DDX10: variants seen among roughly 807,000 people sequenced by gnomAD.
DDX10 encodes the protein probable ATP-dependent RNA helicase DDX10.
In DDX10, 74 loss-of-function variants were observed where a neutral mutation model predicts 104.3. The ratio of observed to expected loss-of-function variants is 0.71; its 90% CI spans 0.59 to 0.86. The LOEUF is 0.86. Among genes scored for constraint, DDX10 ranks in the 40% least tolerant of loss-of-function variants. DDX10 has a pLI of 0.00. For missense variants in DDX10, 952 were observed against 1,040.0 expected (o/e 0.92, Z 1.16); for synonymous variants, 351 against 353.4 (o/e 0.99, Z 0.08).
At chr11:108,800,393 C>T (rs539707637) in intron 13 of DDX10, among the ~76,000 whole-genome samples, 6 of 140,118 alleles carry the variant, frequency 4.3e-5, no homozygotes, top group East Asian at 2.1e-4. Flanking sequence ...TGCAGTGAGC[C>T]GAGATCGCGC....
chr11:108,757,145 A>C (rs1193188839), intron 13 of DDX10, among the ~76,000 whole-genome samples: 3 of 151,898 alleles, frequency 2.0e-5, no homozygotes, highest in African/African-American at 7.2e-5. Flanking sequence ...CCCACAAATA[A>C]TTCCTCAAAC....
At chr11:108,770,297 T>G (rs2094361322) in intron 13 of DDX10, among the ~76,000 whole-genome samples, 1 of 152,166 alleles carries the variant, frequency 6.6e-6, no homozygotes, top group Non-Finnish European at 1.5e-5. Flanking sequence ...TTACAGACAA[T>G]TTGATTATGT....
chr11:108,783,602 A>C (rs1392056720), intron 13 of DDX10, among the ~76,000 whole-genome samples: 1 of 152,204 alleles, frequency 6.6e-6, no homozygotes, highest in African/African-American at 2.4e-5. Context: ...AGGATGTGGG[A>C]GGGGTTAAAT....
intron 9 of DDX10, among the ~76,000 whole-genome samples, chr11:108,701,493 T>C (rs190031790): frequency 6.6e-6 from 1 of 152,132 alleles, no homozygotes; most frequent in Non-Finnish European, 1.5e-5. Context: ...GTAGTCAGAG[T>C]TGTAGAGTTT....
At chr11:108,819,601 T>G (rs183490957) in intron 13 of DDX10, among the ~76,000 whole-genome samples, 11 of 152,178 alleles carry the variant, frequency 7.2e-5, no homozygotes, top group African/African-American at 2.6e-4. Flanking sequence ...GCCTATTTCT[T>G]TTTTTCTTTT....
At chr11:108,837,956 T>C (rs927445250) in intron 13 of DDX10, among the ~76,000 whole-genome samples, 1 of 152,130 alleles carries the variant, frequency 6.6e-6, no homozygotes, top group Non-Finnish European at 1.5e-5. Flanking sequence ...GATATTTTAC[T>C]GTGTTCCTAT....
intron 4 of DDX10, 139 bp downstream of exon 4, chr11:108,677,382 G>A (rs997498872): frequency 5.7e-6 from 4 of 703,384 alleles, no homozygotes; most frequent in Non-Finnish European, 8.8e-6. Context: ...AGCACTTGGT[G>A]TGGTCGCTGC....
chr11:108,925,376 G>C (rs1443263913), intron 17 of DDX10, among the ~76,000 whole-genome samples: 1 of 152,128 alleles, frequency 6.6e-6, no homozygotes, highest in Non-Finnish European at 1.5e-5. Flanking sequence ...GGACAGTTGT[G>C]AGCCTGTCAT....
At chr11:108,911,556 C>CTTTT (rs869132450) in intron 16 of DDX10, among the ~76,000 whole-genome samples, 7 of 63,690 alleles carry the variant, frequency 1.1e-4, no homozygotes, top group African/African-American at 4.7e-4. Context: ...GCCTCCTCTT[C>CTTTT]TTTTTTTTTT....
At chr11:108,783,804 C>T (rs542395597) in intron 13 of DDX10, among the ~76,000 whole-genome samples, 11 of 152,230 alleles carry the variant, frequency 7.2e-5, no homozygotes, top group South Asian at 2.1e-4. Flanking sequence ...AATAAGTGCA[C>T]GCCCCTTTTC....
chr11:108,905,593 T>G (rs1863585767), intron 16 of DDX10, among the ~76,000 whole-genome samples: 1 of 152,196 alleles, frequency 6.6e-6, no homozygotes, highest in African/African-American at 2.4e-5. Flanking sequence ...TCTTGCTGCC[T>G]CCTCCTGATC....
chr11:108,819,607 C>CT (rs1054453752), intron 13 of DDX10, among the ~76,000 whole-genome samples: 26 of 150,772 alleles, frequency 1.7e-4, no homozygotes, highest in South Asian at 4.2e-4. Flanking sequence ...TTCTTTTTTT[C>CT]TTTTTTTTTG....
At chr11:108,758,937 T>C (rs1442041427) in intron 13 of DDX10, among the ~76,000 whole-genome samples, 2 of 151,270 alleles carry the variant, frequency 1.3e-5, no homozygotes, top group African/African-American at 2.4e-5. Flanking sequence ...TAAAGCTCCA[T>C]TCAGTTGCTC....
At chr11:108,804,979 A>G (rs774039589) in intron 13 of DDX10, among the ~76,000 whole-genome samples, 3 of 152,196 alleles carry the variant, frequency 2.0e-5, no homozygotes, top group African/African-American at 7.2e-5. Context: ...ATTAGAAAAT[A>G]GTTATAAGTG....
chr11:108,863,484 G>T (rs1862966949), intron 16 of DDX10, among the ~76,000 whole-genome samples: 1 of 152,034 alleles, frequency 6.6e-6, no homozygotes, highest in African/African-American at 2.4e-5. Context: ...AGATACATTT[G>T]ATTTTTATTT....
At chr11:108,697,998 G>T (rs2094262275) in intron 9 of DDX10, among the ~76,000 whole-genome samples, 1 of 152,134 alleles carries the variant, frequency 6.6e-6, no homozygotes, top group Non-Finnish European at 1.5e-5. Context: ...TTATGTGCCT[G>T]GCTACATTTT....
At position 108,783,805 on chromosome 11, in the gene DDX10, G is replaced by A. The variant is rs560787058; in HGVS notation, c.1966-54641G>A. Among the ~76,000 whole-genome samples the A allele has an allele frequency of 4.4e-4, 67 of 152,180 alleles. 1 individual carries two copies. The highest frequency in any genetic ancestry group is 2.0e-3 in the Admixed American group (30 of 15,276). Reference sequence around the variant, plus strand: ...TGAGCATAGTACCCAATAAGTGCACGCCCCTTTTCCTCTCTCCCGCATTTA... The same window carrying A: ...TGAGCATAGTACCCAATAAGTGCACACCCCTTTTCCTCTCTCCCGCATTTA... On this transcript the variant is annotated intron_variant, in intron 13 of 17. Coordinates refer to ENST00000322536, the MANE Select transcript of DDX10 (RefSeq NM_004398.4).
chr11:108,855,502 G>A (rs187445616), intron 16 of DDX10, among the ~76,000 whole-genome samples: 8 of 152,090 alleles, frequency 5.3e-5, no homozygotes, highest in Admixed American at 2.6e-4. Context: ...CTCTGTCACC[G>A]AGGCTGGAGT....
chr11:108,689,989 G>T (rs2094249872), intron 7 of DDX10, among the ~76,000 whole-genome samples: 1 of 152,070 alleles, frequency 6.6e-6, no homozygotes, highest in Non-Finnish European at 1.5e-5. Context: ...GCTGAGGTAG[G>T]AGGATTGCTT....
Sources: allele counts gnomAD v4.1 joint callset (sites outside exome capture counted in the v4.1 genomes callset), GRCh38; gene constraint gnomAD v4.1.1; transcripts MANE v1.5; gene names NCBI Gene and HGNC (gene_info 2026-07-23, HGNC 2026-07-21).